Variants in KSR2 observed in about 807,000 individuals in gnomAD.
KSR2 encodes the protein kinase suppressor of ras 2.
A neutral mutation model predicts 107.8 loss-of-function variants in KSR2; 25 were observed. The observed-to-expected ratio is 0.23, with a 90% CI of 0.17 to 0.32. The LOEUF (loss-of-function observed/expected upper bound fraction) is 0.32. Ranked by LOEUF, KSR2 falls within the 10% of genes least tolerant of loss-of-function variation. The probability of loss-of-function intolerance (pLI) is 1.00; values close to 1 mark genes in which losing one functional copy is unlikely to be tolerated. For synonymous variants in KSR2, 480 were observed against 507.0 expected, an observed-to-expected ratio of 0.95 and a Z score of 0.71; for missense variants, 887 against 1,268.9, an observed-to-expected ratio of 0.70 and a Z score of 4.57.
In KSR2 at chr12:117,484,496, C is replaced by A; in HGVS notation, c.2370G>T (p.Lys790Asn). ...CTTTGCCGTTGTCATAGAAGACGTT[C>A]TTTGACTTGAGGTCCTTGTGTAGGA... ...KGILHKDLKS[K>N]NVFYDNGKVV... Residue 790 changes from lysine to asparagine, a missense_variant, in exon 16 of 20, where the codon AAG (lysine) becomes AAT (asparagine). This residue lies in a region of KSR2 where 308 missense variants were observed against 506.2 expected (regional missense o/e 0.61). Coordinates refer to ENST00000339824, the MANE Select transcript of KSR2 (RefSeq NM_173598.6). 6.2e-7 allele frequency: 1 copy of A among 1,613,970 alleles called. No individual in the cohort carries two copies. The highest frequency in any genetic ancestry group is 8.5e-7 in the Non-Finnish European group (1 of 1,179,850).
rs1305923310 is a variant in KSR2, at chr12:117,585,653, T to C, written c.1172-3294A>G. On this transcript the variant is annotated intron_variant, in intron 5 of 19. Transcript: ENST00000339824. ...ACTGTTGAAAGGGAAGGGGAAAAAA[T>C]ATATGAAAATCCAGGCCTTATCATA... Among the ~76,000 whole-genome samples the C allele has an allele frequency of 2.0e-5, 3 of 152,058 alleles. No homozygotes were observed. In the East Asian group the frequency reaches 5.8e-4, roughly 29 times the overall value.
intron 9 of KSR2, among the ~76,000 whole-genome samples, chr12:117,544,209 C>A (rs1381186474): frequency 6.6e-6 from 1 of 152,178 alleles, no homozygotes; most frequent in African/African-American, 2.4e-5. Context: ...TTTCAGCATA[C>A]AAGCCCTATA....
intron 1 of KSR2, among the ~76,000 whole-genome samples, chr12:117,876,369 A>G (rs1231035844): frequency 1.3e-5 from 2 of 152,140 alleles, no homozygotes; most frequent in Non-Finnish European, 2.9e-5. Flanking sequence ...CCCAATGAGA[A>G]CCGGATCCCT....
chr12:117,618,914 C>T (rs73409038), intron 5 of KSR2, among the ~76,000 whole-genome samples: 5,490 of 152,268 alleles, frequency 0.036, 170 homozygotes, highest in East Asian at 0.17. Flanking sequence ...TCCTTGGTAG[C>T]TTGATAATAC....
At chr12:117,958,375 T>C (rs1426619475) in intron 1 of KSR2, among the ~76,000 whole-genome samples, 2 of 152,164 alleles carry the variant, frequency 1.3e-5, no homozygotes, top group South Asian at 2.1e-4. Flanking sequence ...GCAAAACCCA[T>C]GGAAAGTCCT....
At chr12:117,580,806 G>C (rs1046603349) in intron 6 of KSR2, among the ~76,000 whole-genome samples, 12 of 152,146 alleles carry the variant, frequency 7.9e-5, no homozygotes, top group East Asian at 3.9e-4. Context: ...GCTGAGCCAG[G>C]GGCATGGCCA....
At chr12:117,589,614 T>C (rs897566798) in intron 5 of KSR2, among the ~76,000 whole-genome samples, 1 of 152,214 alleles carries the variant, frequency 6.6e-6, no homozygotes, top group African/African-American at 2.4e-5. Flanking sequence ...CATTAAACTT[T>C]TCTTTGGAGT....
chr12:117,966,484 A>T (rs1896789971), intron 1 of KSR2, among the ~76,000 whole-genome samples: 1 of 151,862 alleles, frequency 6.6e-6, no homozygotes. Context: ...TCCCAACACA[A>T]TTCCCACTCT....
chr12:117,816,268 C>G (rs1891365996), intron 3 of KSR2, among the ~76,000 whole-genome samples: 1 of 152,138 alleles, frequency 6.6e-6, no homozygotes, highest in African/African-American at 2.4e-5. Context: ...GAAGCCCAAG[C>G]AGCCACCTGG....
rs1317781057 is a variant in KSR2, at chr12:117,462,614, TA to T, written c.*4584del. The T allele has an allele frequency of 2.0e-5, 3 of 152,252 alleles. No homozygotes were observed. The highest frequency in any genetic ancestry group is 7.2e-5 in the African/African-American group (3 of 41,448). 9.4% of individuals were successfully genotyped at this position (152,252 alleles called of 1,614,324 possible). A position where few individuals can be genotyped will look rare whatever the true frequency, so the allele number is the denominator to read the frequency against. On this transcript the variant is annotated 3_prime_UTR_variant, in exon 20 of 20. Coordinates refer to ENST00000339824, the MANE Select transcript of KSR2 (RefSeq NM_173598.6). Reference sequence around the variant, plus strand: ...TGGCATCCAGATGGGTGAGAGATGATACATCTGTTGTTGTAGGCCCCAGTGG... The same window carrying T: ...TGGCATCCAGATGGGTGAGAGATGATCATCTGTTGTTGTAGGCCCCAGTGG...
intron 4 of KSR2, among the ~76,000 whole-genome samples, chr12:117,735,405 A>G (rs1272760592): frequency 2.0e-5 from 3 of 152,174 alleles, no homozygotes; most frequent in Admixed American, 2.0e-4. Flanking sequence ...AGGAGAAGCA[A>G]GAACTCAACA....
chr12:117,537,751 G>A (rs1238776158), intron 10 of KSR2, among the ~76,000 whole-genome samples: 2 of 152,206 alleles, frequency 1.3e-5, no homozygotes, highest in Non-Finnish European at 2.9e-5. Context: ...GCCTGTCATG[G>A]AGCAGATGGG....
intron 3 of KSR2, among the ~76,000 whole-genome samples, chr12:117,817,760 C>A (rs763084904): frequency 5.3e-5 from 8 of 152,172 alleles, no homozygotes; most frequent in Non-Finnish European, 1.0e-4. Flanking sequence ...AGAGAGATTC[C>A]TTTTCCCCAC....
At chr12:117,596,286 A>C (rs1204957957) in intron 5 of KSR2, among the ~76,000 whole-genome samples, 2 of 152,112 alleles carry the variant, frequency 1.3e-5, no homozygotes, top group Non-Finnish European at 2.9e-5. Flanking sequence ...ATTCTTATTC[A>C]CTATTAAGAG....
chr12:117,963,085 G>C (rs986837399), intron 1 of KSR2, among the ~76,000 whole-genome samples: 3 of 152,008 alleles, frequency 2.0e-5, no homozygotes, highest in African/African-American at 7.2e-5. Context: ...AGCTACTCAG[G>C]AGGCCGAGAC....
At chr12:117,878,211 C>T (rs1171255810) in intron 1 of KSR2, among the ~76,000 whole-genome samples, 1 of 147,218 alleles carries the variant, frequency 6.8e-6, no homozygotes, top group Non-Finnish European at 1.5e-5. Flanking sequence ...CTTTTTGGAA[C>T]CAAAGAGCCC....
intron 12 of KSR2, among the ~76,000 whole-genome samples, chr12:117,528,351 G>A (rs1044577378): frequency 6.6e-6 from 1 of 152,128 alleles, no homozygotes; most frequent in Non-Finnish European, 1.5e-5. Context: ...GACAGAACTG[G>A]GCTATTGAAG....
intron 5 of KSR2, among the ~76,000 whole-genome samples, chr12:117,631,610 T>A (rs1437463910): frequency 6.6e-6 from 1 of 152,200 alleles, no homozygotes; most frequent in Non-Finnish European, 1.5e-5. Context: ...CTAAATATTA[T>A]GATAATATAG....
At chr12:117,580,658 G>C (rs910957278) in intron 6 of KSR2, among the ~76,000 whole-genome samples, 2 of 152,246 alleles carry the variant, frequency 1.3e-5, no homozygotes, top group African/African-American at 4.8e-5. Context: ...AGACTGAAGA[G>C]TAGCAGGTCA....
Sources: gnomAD v4.1 joint callset for allele counts (sites outside exome capture counted in the v4.1 genomes callset) on GRCh38, gnomAD v4.1.1 for gene constraint, gnomAD v4.1.1 regional missense constraint, MANE v1.5 for transcripts, NCBI Gene and HGNC (gene_info 2026-07-23, HGNC 2026-07-21) for gene names.